Variants in DAB1 observed in about 807,000 individuals in gnomAD.
DAB1 encodes DAB adaptor protein 1, also known as disabled homolog 1.
Under a neutral mutation model 64.6 loss-of-function variants are expected in DAB1, and 15 were observed. That is an observed-to-expected ratio of 0.23 (90% CI 0.16 to 0.36). The LOEUF is 0.36. Ranked by LOEUF, DAB1 falls within the 10% of genes least tolerant of loss-of-function variation. The pLI is 1.00. For missense variants in DAB1, 596 were observed against 706.7 expected, an observed-to-expected ratio of 0.84 and a Z score of 1.78; for synonymous variants, 235 against 251.9, an observed-to-expected ratio of 0.93 and a Z score of 0.64.
In DAB1 at chr1:58,264,128, C is replaced by G. The variant is rs1661107842; in HGVS notation, n.309+79224G>C. 2.0e-5 allele frequency among the ~76,000 whole-genome samples: 3 copies of G among 152,214 alleles called. No individual in the cohort carries two copies. In the South Asian group the frequency reaches 6.2e-4, roughly 32 times the overall value. On this transcript the variant is annotated intron_variant and non_coding_transcript_variant, in intron 4 of 20. Coordinates refer to the DAB1 transcript ENST00000485760. ...TGACCTTACAAGTTTCCTATACTTA[C>G]CAGTAGCCATCAAACCTTTTTATCT...
intron 4 of DAB1, among the ~76,000 whole-genome samples, chr1:58,219,269 A>G (rs1277948062): frequency 6.6e-6 from 1 of 151,978 alleles, no homozygotes; most frequent in Non-Finnish European, 1.5e-5. Flanking sequence ...TGCCCTTCAG[A>G]GCATATTTTT....
intron 4 of DAB1, among the ~76,000 whole-genome samples, chr1:58,181,579 A>G (rs569998931): frequency 6.6e-6 from 1 of 152,072 alleles, no homozygotes; most frequent in South Asian, 2.1e-4. Context: ...TCCTTGTTGG[A>G]TTTATTTATA....
chr1:57,170,924 C>A (rs1293277647), intron 2 of DAB1, among the ~76,000 whole-genome samples: 1 of 152,144 alleles, frequency 6.6e-6, no homozygotes, highest in Non-Finnish European at 1.5e-5. Context: ...AGGTGGCTTG[C>A]TCTGCAGGGT....
intron 7 of DAB1, among the ~76,000 whole-genome samples, chr1:57,537,948 G>A (rs1188725703): frequency 6.6e-6 from 1 of 152,046 alleles, no homozygotes; most frequent in Non-Finnish European, 1.5e-5. Context: ...GGCTAGGGGG[G>A]CATGCAAGGC....
chr1:57,024,193 C>A (rs911075920), intron 10 of DAB1, among the ~76,000 whole-genome samples: 3 of 151,790 alleles, frequency 2.0e-5, no homozygotes, highest in African/African-American at 7.3e-5. Context: ...CCCCCGTCAG[C>A]GCCCCAGATT....
At chr1:57,897,726 G>C (rs77608105) in intron 5 of DAB1, among the ~76,000 whole-genome samples, 2,007 of 152,210 alleles carry the variant, frequency 0.013, 40 homozygotes, top group African/African-American at 0.045. Context: ...CTCACTCCTT[G>C]TAGGGAATGC....
chr1:57,832,132 G>C (rs1050179436), intron 1 of DAB1, among the ~76,000 whole-genome samples: 1 of 152,162 alleles, frequency 6.6e-6, no homozygotes, highest in Non-Finnish European at 1.5e-5. Flanking sequence ...ACTGTGATCT[G>C]AGGCAGGAAG....
chr1:58,305,541 A>C (rs1291167247), intron 4 of DAB1, among the ~76,000 whole-genome samples: 1 of 152,216 alleles, frequency 6.6e-6, no homozygotes, highest in African/African-American at 2.4e-5. Context: ...TCCAGTTACA[A>C]ATAATTTTGT....
chr1:57,238,627 C>T (rs1668264497), intron 2 of DAB1, among the ~76,000 whole-genome samples: 1 of 152,116 alleles, frequency 6.6e-6, no homozygotes, highest in Non-Finnish European at 1.5e-5. Context: ...GAAGTCCTTC[C>T]TGCATCCTAA....
At chr1:58,242,224 A>C (rs1019398944) in intron 4 of DAB1, among the ~76,000 whole-genome samples, 2 of 152,080 alleles carry the variant, frequency 1.3e-5, no homozygotes, top group African/African-American at 4.8e-5. Context: ...TGACAAATGC[A>C]AAAAATGTAT....
Position 57,697,054 on chromosome 1 carries a change from CA to C in DAB1, n.552-47390del, listed in dbSNP as rs573349725. Among the ~76,000 whole-genome samples the C allele has an allele frequency of 1.1e-3, 168 of 152,258 alleles. No homozygotes were observed. In the Middle Eastern group the frequency reaches 0.014, roughly 12 times the overall value. On this transcript the variant is annotated intron_variant and non_coding_transcript_variant, in intron 6 of 20. Coordinates refer to the DAB1 transcript ENST00000485760. ...GCACTCTCATAGGCAGAGCTAATGT[CA>C]ATCAACTGTAGCACTTACATACTAT...
intron 1 of DAB1, among the ~76,000 whole-genome samples, chr1:57,855,391 G>A (rs1046359186): frequency 6.6e-6 from 1 of 152,156 alleles, no homozygotes; most frequent in Non-Finnish European, 1.5e-5. Context: ...CCATGGAGCT[G>A]GCATTCTAGG....
At chr1:58,544,308 A>T (rs1203725333) in intron 1 of DAB1, among the ~76,000 whole-genome samples, 1 of 152,230 alleles carries the variant, frequency 6.6e-6, no homozygotes, top group Non-Finnish European at 1.5e-5. Context: ...ACTAAATGCT[A>T]GGCACCATAA....
At chr1:57,916,095 C>T (rs1169905491) in intron 5 of DAB1, among the ~76,000 whole-genome samples, 1 of 152,214 alleles carries the variant, frequency 6.6e-6, no homozygotes, top group East Asian at 1.9e-4. Flanking sequence ...TAAAGACAGT[C>T]ACTCTCCCTG....
chr1:58,232,956 T>C (rs1659850141), intron 4 of DAB1, among the ~76,000 whole-genome samples: 1 of 152,220 alleles, frequency 6.6e-6, no homozygotes, highest in African/African-American at 2.4e-5. Flanking sequence ...CCAAGCAGGT[T>C]GTTAGTGCCA....
At chr1:58,164,561 T>A (rs1035393579) in intron 4 of DAB1, among the ~76,000 whole-genome samples, 1 of 152,178 alleles carries the variant, frequency 6.6e-6, no homozygotes, top group Non-Finnish European at 1.5e-5. Flanking sequence ...CATCCTTTTT[T>A]AAAAAATGAA....
In DAB1 at chr1:58,483,822, T is replaced by C. The variant is rs1171410789; in HGVS notation, n.257+22238A>G. 2.0e-5 allele frequency among the ~76,000 whole-genome samples: 3 copies of C among 152,350 alleles called. No individual in the cohort carries two copies. The East Asian group carries it at 5.8e-4, about 29-fold the overall frequency. ...CAAAATTGGGACGTACGGTCACTCTTGCATTAGTTCCTTTACAATGATGTT... is the reference window on the plus strand; with the variant it reads ...CAAAATTGGGACGTACGGTCACTCTCGCATTAGTTCCTTTACAATGATGTT... On this transcript the variant is annotated intron_variant and non_coding_transcript_variant, in intron 3 of 20. Transcript: ENST00000485760.
chr1:57,227,592 T>C (rs967945643), intron 2 of DAB1, among the ~76,000 whole-genome samples: 1 of 151,656 alleles, frequency 6.6e-6, no homozygotes, highest in Non-Finnish European at 1.5e-5. Flanking sequence ...AGTCTCCCTC[T>C]GTCACCCAGG....
intron 4 of DAB1, among the ~76,000 whole-genome samples, chr1:58,197,884 T>C (rs1657776033): frequency 6.6e-6 from 1 of 152,168 alleles, no homozygotes; most frequent in Non-Finnish European, 1.5e-5. Context: ...ATAATGTTAG[T>C]TCAACATGAA....
Sources: gnomAD v4.1 joint callset for allele counts (sites outside exome capture counted in the v4.1 genomes callset) on GRCh38, gnomAD v4.1.1 for gene constraint, MANE v1.5 for transcripts, NCBI Gene and HGNC (gene_info 2026-07-23, HGNC 2026-07-21) for gene names.